COLEC10: variants seen among roughly 807,000 people sequenced by gnomAD.
COLEC10 encodes collectin-10.
COLEC10 carries 22 observed loss-of-function variants against 28.4 expected under a neutral mutation model. That is an observed-to-expected ratio of 0.78 (90% CI 0.55 to 1.11). The LOEUF (loss-of-function observed/expected upper bound fraction) is 1.11. Among genes scored for constraint, COLEC10 ranks in the 50% least tolerant of loss-of-function variants. The pLI is 0.00. For synonymous variants in COLEC10, 125 were observed against 116.1 expected (o/e 1.08, Z -0.49); for missense variants, 361 against 344.1 (o/e 1.05, Z -0.39).
At chr8:119,104,059 C>T (rs573206065) in intron 5 of COLEC10, among the ~76,000 whole-genome samples, 164 bp downstream of exon 5, 35 of 152,160 alleles carry the variant, frequency 2.3e-4, no homozygotes, top group Admixed American at 2.0e-3. Flanking sequence ...CTAAGACTCC[C>T]CTAGGACACC....
chr8:118,998,442 A>C (rs772905532), intron 1 of COLEC10, among the ~76,000 whole-genome samples: 137 of 152,182 alleles, frequency 9.0e-4, no homozygotes, highest in Non-Finnish European at 1.7e-3. Context: ...GACCAAATAA[A>C]AAGCATGATC....
chr8:119,086,344 A>G (rs1331385371), intron 1 of COLEC10, among the ~76,000 whole-genome samples: 1 of 152,024 alleles, frequency 6.6e-6, no homozygotes, highest in Non-Finnish European at 1.5e-5. Flanking sequence ...CTACTCATCC[A>G]GTAAATACAA....
At chr8:119,038,965 A>G (rs1027557662) in intron 2 of COLEC10, among the ~76,000 whole-genome samples, 5 of 152,100 alleles carry the variant, frequency 3.3e-5, no homozygotes, top group African/African-American at 4.8e-5. Flanking sequence ...TACAATATGA[A>G]TGACTAAATA....
chr8:119,044,897 A>C (rs1814561381), intron 2 of COLEC10, among the ~76,000 whole-genome samples: 1 of 151,516 alleles, frequency 6.6e-6, no homozygotes, highest in Admixed American at 6.6e-5. Context: ...TGCAGTTCTT[A>C]GCAAAGTGTG....
chr8:119,001,144 T>A lies in COLEC10; in HGVS notation n.122+5571T>A, dbSNP rs138958624. On this transcript the variant is annotated intron_variant and non_coding_transcript_variant, in intron 1 of 6. Coordinates refer to the COLEC10 transcript ENST00000521788. ...ATACATAGGAGGCATTATTAGGTGA[T>A]GATATTGAGGATGCTAATCATTGCA... Among the ~76,000 whole-genome samples the A allele has an allele frequency of 1.1e-4, 16 of 152,260 alleles. 1 individual carries two copies. The highest frequency in any genetic ancestry group is 3.9e-4 in the African/African-American group (16 of 41,542).
chr8:118,981,471 TA>T, the COLEC10 span, among the ~76,000 whole-genome samples: 1 of 152,150 alleles, frequency 6.6e-6, no homozygotes, highest in East Asian at 1.9e-4. Flanking sequence ...TCCCAATGGT[TA>T]TACTTAAATT....
At chr8:119,078,050 A>C (rs1011918746) in intron 1 of COLEC10, among the ~76,000 whole-genome samples, 1 of 152,186 alleles carries the variant, frequency 6.6e-6, no homozygotes, top group African/African-American at 2.4e-5. Context: ...GTGTAAACTG[A>C]GAGTGAGAAC....
chr8:119,080,046 C>T (rs1359533077), intron 1 of COLEC10, among the ~76,000 whole-genome samples: 3 of 152,148 alleles, frequency 2.0e-5, no homozygotes, highest in East Asian at 3.9e-4. Flanking sequence ...TTTTCTCCTT[C>T]GATATTTTAT....
At chr8:118,958,055 C>T in the COLEC10 span, among the ~76,000 whole-genome samples, 232 of 152,180 alleles carry the variant, frequency 1.5e-3, 4 homozygotes, top group East Asian at 0.01. Flanking sequence ...CCAGGGCAAG[C>T]GAGTAGGCAG....
chr8:118,968,127 G>GT, the COLEC10 span, among the ~76,000 whole-genome samples: 1 of 151,046 alleles, frequency 6.6e-6, no homozygotes, highest in African/African-American at 2.4e-5. Context: ...GTGTTTAGAG[G>GT]TTTTTTTTAA....
the COLEC10 span, among the ~76,000 whole-genome samples, chr8:118,969,234 C>T: frequency 1.3e-5 from 2 of 151,944 alleles, no homozygotes; most frequent in East Asian, 3.9e-4. Flanking sequence ...CAGAAGGAAC[C>T]AGCACTGACA....
At chr8:119,021,866 A>C (rs16891864) in intron 2 of COLEC10, among the ~76,000 whole-genome samples, 6,691 of 152,174 alleles carry the variant, frequency 0.044, 216 homozygotes, top group East Asian at 0.16. Context: ...TCCTCTGTAC[A>C]ATGCAGCCAA....
chr8:119,093,028 T>A (rs1387227918), intron 3 of COLEC10, among the ~76,000 whole-genome samples: 1 of 152,190 alleles, frequency 6.6e-6, no homozygotes, highest in African/African-American at 2.4e-5. Flanking sequence ...AGTAACATTA[T>A]GGAAATAGGC....
chr8:119,000,690 G>GTA (rs1242129191), intron 1 of COLEC10, among the ~76,000 whole-genome samples: 1 of 152,130 alleles, frequency 6.6e-6, no homozygotes, highest in Non-Finnish European at 1.5e-5. Context: ...TCTTAATTGG[G>GTA]TATATTAATA....
chr8:119,089,491 T>A (rs1311375417), intron 1 of COLEC10, among the ~76,000 whole-genome samples, 189 bp from the exon 2 acceptor site: 1 of 152,124 alleles, frequency 6.6e-6, no homozygotes, highest in South Asian at 2.1e-4. Flanking sequence ...AAGTAAAAAA[T>A]ATACTGGAAG....
intron 1 of COLEC10, among the ~76,000 whole-genome samples, 184 bp from the exon 2 acceptor site, chr8:119,089,495 CT>C (rs1158895148): frequency 2.0e-5 from 3 of 152,174 alleles, no homozygotes; most frequent in Non-Finnish European, 4.4e-5. Context: ...AAAAAATATA[CT>C]GGAAGTTTCT....
chr8:119,063,524 T>C (rs1814895358), upstream of COLEC10, among the ~76,000 whole-genome samples: 1 of 152,138 alleles, frequency 6.6e-6, no homozygotes, highest in African/African-American at 2.4e-5. Context: ...TCTCCTTTCA[T>C]CTCTGTCTCC....
chr8:119,000,214 A>T (rs1002009944), intron 1 of COLEC10, among the ~76,000 whole-genome samples: 1 of 152,082 alleles, frequency 6.6e-6, no homozygotes, highest in South Asian at 2.1e-4. Flanking sequence ...TTTCCTGATT[A>T]TTTTTCTGGG....
chr8:119,069,658 A>ATATATATATATATG (rs1205061377), intron 1 of COLEC10, among the ~76,000 whole-genome samples: 168 of 122,614 alleles, frequency 1.4e-3, no homozygotes, highest in Non-Finnish European at 2.4e-3. Context: ...ATATATATAT[A>ATATATATATATATG]TATGTAAACT....
Sources: allele counts gnomAD v4.1 joint callset (sites outside exome capture counted in the v4.1 genomes callset), GRCh38; gene constraint gnomAD v4.1.1; transcripts MANE v1.5; gene names NCBI Gene and HGNC (gene_info 2026-07-23, HGNC 2026-07-21).